The following ZNF407 variants were observed in gnomAD, a reference collection of about 807,000 sequenced individuals.
ZNF407 encodes zinc finger protein 407.
A neutral mutation model predicts 131.2 loss-of-function variants in ZNF407; 17 were observed. The observed-to-expected ratio is 0.13, with a 90% CI of 0.09 to 0.19. The LOEUF (loss-of-function observed/expected upper bound fraction) is 0.19. ZNF407 is among the 10% of genes least tolerant of loss of function. The probability of loss-of-function intolerance (pLI) is 1.00; values close to 1 mark genes in which losing one functional copy is unlikely to be tolerated. For missense variants in ZNF407, 2,681 were observed against 2,830.6 expected (o/e 0.95, Z 1.20); for synonymous variants, 1,156 against 1,062.0 (o/e 1.09, Z -1.72).
rs375258882 is a variant in ZNF407 at position 74,634,063 on chromosome 18, G to A, written c.3044G>A (p.Gly1015Asp). 4 of 1,613,918 alleles carry A rather than the reference G, an allele frequency of 2.5e-6. No individual in the cohort carries two copies. The African/African-American group carries it at 5.3e-5, about 22-fold the overall frequency. The change falls in exon 2 of 9, where the codon GGT becomes GAT. Residue 1015 changes from glycine (G) to aspartate (D), a missense_variant. Transcript: ENST00000299687. ...TCCCAGAGAGATGTTACAGGCACAG[G>A]TGAGAATAAGTGTTTGCACTGTGAG... ...VYSQRDVTGT[G>D]ENKCLHCEFS...
chr18:75,000,206 G>A (rs1007863711), intron 8 of ZNF407, among the ~76,000 whole-genome samples: 2 of 152,162 alleles, frequency 1.3e-5, no homozygotes, highest in Admixed American at 6.5e-5. Context: ...GTTGGAGAGC[G>A]ATGTTTTTAC....
At chr18:74,647,779 G>A (rs896659445) in intron 3 of ZNF407, among the ~76,000 whole-genome samples, 10 of 152,088 alleles carry the variant, frequency 6.6e-5, no homozygotes, top group African/African-American at 1.2e-4. Flanking sequence ...GGTGGTGCCC[G>A]GGCTGTCTGT....
At position 74,824,110 on chromosome 18, in the gene ZNF407, C is replaced by G. The variant is rs573255295; in HGVS notation, c.4877+42608C>G. 2.6e-4 allele frequency among the ~76,000 whole-genome samples: 39 copies of G among 152,298 alleles called. 2 individuals carry two copies. In the South Asian group the frequency reaches 6.8e-3, roughly 27 times the overall value. On this transcript the variant is annotated intron_variant, in intron 4 of 8. Coordinates refer to ENST00000299687, the MANE Select transcript of ZNF407 (RefSeq NM_017757.3). ...AACTGAACAACCTTCTCCTGAGTGA[C>G]TACTGGATAAATAACGAAATGAAGG...
intron 3 of ZNF407, among the ~76,000 whole-genome samples, chr18:74,734,134 G>A (rs1036090069): frequency 1.3e-5 from 2 of 152,106 alleles, no homozygotes; most frequent in East Asian, 1.9e-4. Context: ...GTACGTGTTC[G>A]ACGCTCCGTG....
chr18:75,059,496 GA>G (rs1217854832), intron 8 of ZNF407, among the ~76,000 whole-genome samples: 1 of 152,042 alleles, frequency 6.6e-6, no homozygotes, highest in Admixed American at 6.6e-5. Context: ...TTCAAATTCT[GA>G]ATTAGACTAA....
intron 8 of ZNF407, among the ~76,000 whole-genome samples, chr18:74,967,384 C>CTAAT (rs1972421400): frequency 6.6e-6 from 1 of 152,078 alleles, no homozygotes; most frequent in Non-Finnish European, 1.5e-5. Context: ...TGTCAGTGGC[C>CTAAT]ATATTAGTGT....
intron 6 of ZNF407, among the ~76,000 whole-genome samples, chr18:74,885,245 CT>C (rs1470664571): frequency 6.6e-6 from 1 of 152,054 alleles, no homozygotes; most frequent in African/African-American, 2.4e-5. Context: ...ACCTGTGCAT[CT>C]GTTTGTCAAT....
chr18:75,050,114 A>G (rs1351073644), intron 8 of ZNF407, among the ~76,000 whole-genome samples: 1 of 152,230 alleles, frequency 6.6e-6, no homozygotes, highest in Non-Finnish European at 1.5e-5. Flanking sequence ...ATATTCATAG[A>G]TATTAGTTAC....
chr18:74,820,613 T>C (rs1970327140), intron 4 of ZNF407, among the ~76,000 whole-genome samples: 1 of 152,210 alleles, frequency 6.6e-6, no homozygotes, highest in Non-Finnish European at 1.5e-5. Context: ...TGCTCTTTTA[T>C]TTCATTCTTA....
chr18:74,821,446 G>A (rs919861928), intron 4 of ZNF407, among the ~76,000 whole-genome samples: 9 of 144,302 alleles, frequency 6.2e-5, no homozygotes, highest in Non-Finnish European at 1.2e-4. Flanking sequence ...ACAGGCCCCC[G>A]TGTGTGATGA....
chr18:74,952,499 A>G (rs1413520648), intron 8 of ZNF407, among the ~76,000 whole-genome samples: 3 of 152,212 alleles, frequency 2.0e-5, no homozygotes, highest in Non-Finnish European at 4.4e-5. Flanking sequence ...GCTAACCCTC[A>G]GGGAAAGATA....
At chr18:74,625,561 TA>T (rs1210960768) in intron 1 of ZNF407, among the ~76,000 whole-genome samples, 1 of 152,210 alleles carries the variant, frequency 6.6e-6, no homozygotes, top group African/African-American at 2.4e-5. Flanking sequence ...AAAATGTTTT[TA>T]AGCAGAACTT....
intron 8 of ZNF407, among the ~76,000 whole-genome samples, chr18:74,948,680 A>G (rs1382872124): frequency 6.6e-6 from 1 of 152,268 alleles, no homozygotes; most frequent in African/African-American, 2.4e-5. Flanking sequence ...TCCTAAGGAA[A>G]GATCAAGTTT....
chr18:74,604,171 C>T (rs561292336), intron 1 of ZNF407, among the ~76,000 whole-genome samples: 79 of 152,310 alleles, frequency 5.2e-4, no homozygotes, highest in African/African-American at 1.7e-3. Context: ...CACCTCCTCA[C>T]AAAGTACAAG....
At chr18:74,895,424 C>T (rs1471147722) in intron 7 of ZNF407, among the ~76,000 whole-genome samples, 4 of 152,048 alleles carry the variant, frequency 2.6e-5, no homozygotes, top group African/African-American at 9.7e-5. Context: ...ATTTGCTGTT[C>T]TTTACCACCA....
At chr18:74,676,626 G>C (rs547345039) in intron 3 of ZNF407, among the ~76,000 whole-genome samples, 1 of 151,852 alleles carries the variant, frequency 6.6e-6, no homozygotes, top group Non-Finnish European at 1.5e-5. Flanking sequence ...AGTAGAGACG[G>C]GGTTTCACCG....
At chr18:74,925,785 A>C (rs1971905432) in intron 8 of ZNF407, among the ~76,000 whole-genome samples, 1 of 152,200 alleles carries the variant, frequency 6.6e-6, no homozygotes, top group African/African-American at 2.4e-5. Context: ...AAAGGAACGA[A>C]ATTTTTCCTG....
At chr18:74,604,801 A>G (rs760433633) in intron 1 of ZNF407, among the ~76,000 whole-genome samples, 1 of 152,200 alleles carries the variant, frequency 6.6e-6, no homozygotes. Context: ...CTTTTGAGGT[A>G]TATACTACAT....
chr18:74,831,894 G>A (rs1027419651), intron 4 of ZNF407, among the ~76,000 whole-genome samples: 2 of 152,128 alleles, frequency 1.3e-5, no homozygotes, highest in Non-Finnish European at 2.9e-5. Context: ...TCCGTGTGCT[G>A]TGGCCCTGGG....
Sources: gnomAD v4.1 joint callset for allele counts (sites outside exome capture counted in the v4.1 genomes callset) on GRCh38, gnomAD v4.1.1 for gene constraint, MANE v1.5 for transcripts, NCBI Gene and HGNC (gene_info 2026-07-23, HGNC 2026-07-21) for gene names.